The following ITIH1 variants were observed in gnomAD, a reference collection of about 807,000 sequenced individuals.
ITIH1 encodes the protein inter-alpha-trypsin inhibitor heavy chain H1.
Under a neutral mutation model 104.6 loss-of-function variants are expected in ITIH1, and 94 were observed. The observed-to-expected ratio is 0.90, with a 90% CI of 0.76 to 1.07. ITIH1 has a LOEUF of 1.07. ITIH1 is among the 50% of genes least tolerant of loss of function. The probability of loss-of-function intolerance (pLI) is 0.00; values close to 1 mark genes in which losing one functional copy is unlikely to be tolerated. For missense variants in ITIH1, 1,193 were observed against 1,181.4 expected (o/e 1.01, Z -0.14); for synonymous variants, 455 against 464.4 (o/e 0.98, Z 0.26).
At chr3:52,790,091 C>T (rs1699313115) in intron 19 of ITIH1, 1 of 560,468 alleles carries the variant, frequency 1.8e-6, no homozygotes, top group Non-Finnish European at 3.2e-6. Flanking sequence ...GCTCTGAATG[C>T]CACCCCTGTC....
chr3:52,791,029 C>A, intron 20 of ITIH1, 108 bp downstream of exon 20: 1 of 1,163,168 alleles, frequency 8.6e-7, no homozygotes, highest in Non-Finnish European at 1.2e-6. Context: ...AGGACAGGCC[C>A]ACCTCCAGTG....
chr3:52,783,484 A>G, intron 10 of ITIH1, 145 bp downstream of exon 10: 2 of 799,620 alleles, frequency 2.5e-6, no homozygotes, highest in Non-Finnish European at 4.0e-6. Context: ...CTAAAAACAC[A>G]GCTCAGACCA....
chr3:52,791,825 G>C lies in ITIH1; in HGVS notation c.2650G>C (p.Glu884Gln). 6.2e-7 allele frequency: 1 copy of C among 1,614,144 alleles called. No individual in the cohort carries two copies. The highest frequency in any genetic ancestry group is 8.5e-7 in the Non-Finnish European group (1 of 1,180,000). ...CAGCAAGGACCCGTGGCATGGGGCC[G>C]AGGTGTCCTGCTGGTTCATTCACAA... ...DYSKDPWHGA[E>Q]VSCWFIHNNG... The change falls in exon 22 of 22, where the codon GAG becomes CAG. Residue 884 changes from glutamate to glutamine, a missense_variant. Glu to Gln is a conservative substitution (Grantham distance 29). Transcript: ENST00000273283.
chr3:52,778,318 G>C, intron 2 of ITIH1, 22 bp from the exon 3 acceptor site: 1 of 1,613,072 alleles, frequency 6.2e-7, no homozygotes, highest in Non-Finnish European at 8.5e-7. Flanking sequence ...TCAGGCCACA[G>C]CTCCTTCATG....
intron 8 of ITIH1, 147 bp downstream of exon 8, chr3:52,782,414 G>A: frequency 1.5e-6 from 1 of 672,290 alleles, no homozygotes; most frequent in East Asian, 2.7e-5. Context: ...CCAGTGGTTA[G>A]CATCTCTGGA....
In ITIH1 at chr3:52,790,852, C is replaced by T. The variant is rs76759787; in HGVS notation, c.2425C>T (p.His809Tyr). Reference sequence around the variant, plus strand: ...CCGAGTGTGGAAGGGGAGCTCGGTCCACCAGGACTTCCTGGGCTTCTATGT... The same window carrying T: ...CCGAGTGTGGAAGGGGAGCTCGGTCTACCAGGACTTCCTGGGCTTCTATGT... Reference protein sequence around the residue: ...LHRVWKGSSVHQDFLGFYVLD... With the variant: ...LHRVWKGSSVYQDFLGFYVLD... Residue 809 changes from histidine to tyrosine, a missense_variant, in exon 20 of 22, where the codon CAC becomes TAC. By Grantham distance (83) the His-to-Tyr change is moderately conservative. Transcript: ENST00000273283. 3,615 of 1,612,602 alleles carry T rather than the reference C, an allele frequency of 2.2e-3. 72 individuals are homozygous for T. In the African/African-American group the frequency reaches 0.042, roughly 19 times the overall value.
chr3:52,791,789 C>CA lies in ITIH1; in HGVS notation c.2619dup (p.Asp874ArgfsTer31), dbSNP rs752081640. The CA allele has an allele frequency of 5.0e-6, 8 of 1,612,708 alleles. No individual in the cohort carries two copies. Among genetic ancestry groups the CA allele is most frequent in the Non-Finnish European group, 6.8e-6 (8 of 1,179,326 alleles). The stretch of plus-strand genomic sequence containing the variant: ...TGACTTGTCTCTGCACAGGGGTTTG[C>CA]AAAAAGACTACAGCAAGGACCCGTG... On this transcript the variant is annotated frameshift_variant, in exon 22 of 22. Transcript: ENST00000273283. LOFTEE classifies it low-confidence loss of function (END_TRUNC).
In ITIH1 at chr3:52,779,998, G is replaced by C. The variant is rs1314930683; in HGVS notation, c.574-271G>C. ...CACCTTCATTTGGTCAGTATTTTTG[G>C]AGTGCCTACTGAGTACCAGGCCCTG... is the stretch of plus-strand genomic sequence containing the variant. On this transcript the variant is annotated intron_variant, in intron 5 of 21. Coordinates refer to ENST00000273283, the MANE Select transcript of ITIH1 (RefSeq NM_002215.4). The surrounding 1 kb of genome is among the most constrained non-coding windows in gnomAD (Gnocchi z 4.4). 3 of 1,394,188 alleles carry C rather than the reference G, an allele frequency of 2.2e-6. No homozygotes were observed. The highest frequency in any genetic ancestry group is 2.8e-6 in the Non-Finnish European group (3 of 1,073,476). The allele number at this position is 1,394,188 out of a possible 1,614,324, so 86.4% of individuals were successfully genotyped here.
At position 52,784,282 on chromosome 3, in the gene ITIH1, T is replaced by C. The variant is rs1017827875; in HGVS notation, c.1226-14T>C. ...GGCCAGCATCCCGTCACTACCCAGG[T>C]GTGTGGCTTGCAGGGGTGACGGACC... On this transcript the variant is annotated splice_polypyrimidine_tract_variant and intron_variant, in intron 10 of 21. Transcript: ENST00000273283. 6 of 1,609,076 alleles carry C rather than the reference T, an allele frequency of 3.7e-6. No homozygotes were observed. Among genetic ancestry groups the C allele is most frequent in the Admixed American group, 1.7e-5 (1 of 59,600 alleles).
rs746890684 is a variant in ITIH1 at position 52,782,231 on chromosome 3, C to T, written c.894C>T (p.Asp298=). The T allele has an allele frequency of 3.1e-6, 5 of 1,614,054 alleles. No individual in the cohort carries two copies. Among genetic ancestry groups the T allele is most frequent in the South Asian group, 1.1e-5 (1 of 91,088 alleles). The change falls in exon 8 of 22, where the codon GAC becomes GAT. Residue 298 remains aspartate, a synonymous_variant. Transcript: ENST00000273283. The stretch of plus-strand genomic sequence containing the variant: ...ACAAGAACGTGGTTTTTGTGATTGA[C>T]ATCAGTGGCTCCATGAGAGGCCAGA... ...NMNKNVVFVI[D]ISGSMRGQKV...
Position 52,785,047 on chromosome 3 carries a change from T to C in ITIH1, c.1411T>C (p.Phe471Leu), listed in dbSNP as rs771996882. Residue 471 changes from phenylalanine to leucine, a missense_variant, in exon 12 of 22, where the codon TTC (phenylalanine) becomes CTC (leucine). Coordinates refer to ENST00000273283, the MANE Select transcript of ITIH1 (RefSeq NM_002215.4). The part of the protein sequence containing the change: ...DHDATQQLQG[F>L]YSQVAKPLLV... ...GCTGCAACCTCTATCCCTGCAGGGT[T>C]TCTACAGCCAGGTAGCCAAACCCCT... is the stretch of plus-strand genomic sequence containing the variant. 1.7e-5 allele frequency: 28 copies of C among 1,613,988 alleles called. No homozygotes were observed. The South Asian group carries it at 3.0e-4, about 17-fold the overall frequency.
At chr3:52,778,646 G>C (rs1427052747) in intron 3 of ITIH1, 140 bp downstream of exon 3, 5 of 1,475,474 alleles carry the variant, frequency 3.4e-6, no homozygotes, top group East Asian at 4.9e-5. Flanking sequence ...CTGGCTTTGA[G>C]GGGAGGAAGA....
At chr3:52,790,682 A>G in intron 19 of ITIH1, 67 bp from the exon 20 acceptor site, 1 of 1,527,002 alleles carries the variant, frequency 6.5e-7, no homozygotes, top group South Asian at 1.2e-5. Context: ...CCCAGATGAC[A>G]AGGGCAGCTG....
intron 2 of ITIH1, 21 bp from the exon 3 acceptor site, chr3:52,778,319 C>T: frequency 5.0e-6 from 8 of 1,612,726 alleles, no homozygotes; most frequent in Non-Finnish European, 6.8e-6. Flanking sequence ...CAGGCCACAG[C>T]TCCTTCATGT....
rs151186293 is a variant in ITIH1 at position 52,778,957 on chromosome 3, C to T, written c.321C>T (p.Asn107=). ...CTCCCTGCAGTACAGCAGATGGAAA[C>T]GCATTTATCGGAGACATAAAGGACA... ...ISDFAVTADG[N]AFIGDIKDKV... is the part of the protein sequence containing the mutation. The change falls in exon 4 of 22, where the codon AAC becomes AAT. Residue 107 remains asparagine, a synonymous_variant. Transcript: ENST00000273283. 628 of 1,612,896 alleles carry T rather than the reference C, an allele frequency of 3.9e-4. No individual in the cohort carries two copies. Among genetic ancestry groups the T allele is most frequent in the Non-Finnish European group, 5.0e-4 (593 of 1,178,972 alleles).
Position 52,779,843 on chromosome 3 carries a change from C to T in ITIH1, c.573+249C>T, listed in dbSNP as rs749968643. ...GGGGGGTTTCTGTGAGTCCCAGGAC[C>T]GCCACAGGGATCACGAGAAGTACTG... On this transcript the variant is annotated intron_variant, in intron 5 of 21. Transcript: ENST00000273283. The surrounding 1 kb of genome is among the most constrained non-coding windows in gnomAD (Gnocchi z 4.4). 36 of 1,328,898 alleles carry T rather than the reference C, an allele frequency of 2.7e-5. No homozygotes were observed. Among genetic ancestry groups the T allele is most frequent in the Non-Finnish European group, 3.3e-5 (33 of 1,009,224 alleles). 82.3% of individuals were successfully genotyped at this position (1,328,898 alleles called of 1,614,324 possible). A position where few individuals can be genotyped will look rare whatever the true frequency, so the allele number is the denominator to read the frequency against.
At chr3:52,786,272 CCT>C (rs758893885) in intron 12 of ITIH1, 21 bp from the exon 13 acceptor site, 1 of 1,560,616 alleles carries the variant, frequency 6.4e-7, no homozygotes, top group Non-Finnish European at 8.7e-7. Context: ...GTGCACCACC[CCT>C]CTCTGTACCT....
At position 52,778,389 on chromosome 3, in the gene ITIH1, C is replaced by T. The variant is rs1430276882; in HGVS notation, c.188C>T (p.Thr63Ile). The T allele has an allele frequency of 1.2e-6, 2 of 1,614,094 alleles. No individual in the cohort carries two copies. The highest frequency in any genetic ancestry group is 1.3e-5 in the African/African-American group (1 of 74,926). The change falls in exon 3 of 22, where the codon ACC (threonine) becomes ATC (isoleucine). Residue 63 changes from threonine (T) to isoleucine (I), a missense_variant. Transcript: ENST00000273283. The stretch of plus-strand genomic sequence containing the variant: ...AGTTTGAAAGTCAACTGCAAAGTCA[C>T]CTCTCGCTTCGCCCACTATGTTGTC... Reference protein sequence around the residue: ...IRSLKVNCKVTSRFAHYVVTS... With the variant: ...IRSLKVNCKVISRFAHYVVTS...
In ITIH1 at chr3:52,786,995, A is replaced by G. The variant is rs1042779; in HGVS notation, c.1784A>G (p.Gln595Arg). ...ERANLSSQAL[Q>R]MSLDYGFVTP... Reference sequence around the variant, plus strand: ...GCCAACCTGTCATCCCAGGCCCTGCAGATGTCGCTGGACTATGGGTTTGTG... The same window carrying G: ...GCCAACCTGTCATCCCAGGCCCTGCGGATGTCGCTGGACTATGGGTTTGTG... Residue 595 changes from glutamine (Q) to arginine (R), a missense_variant, in exon 14 of 22, where the codon CAG becomes CGG. Transcript: ENST00000273283. 612,935 of 1,613,346 alleles carry G rather than the reference A, an allele frequency of 0.38. 118,940 individuals are homozygous for G. The highest frequency in any genetic ancestry group is 0.52 in the Admixed American group (31,335 of 59,948).
Sources: gnomAD v4.1 joint callset for allele counts on GRCh38, gnomAD v4.1.1 for gene constraint, Gnocchi (gnomAD v3.1) non-coding constraint, MANE v1.5 for transcripts, NCBI Gene and HGNC (gene_info 2026-07-23, HGNC 2026-07-21) for gene names.